HEMK2: variants seen among roughly 807,000 people sequenced by gnomAD.
HEMK2 encodes the protein HemK methyltransferase 2, ETF1 glutamine and histone H4 lysine.
chr21:28,598,765 T>C, the HEMK2 span, among the ~76,000 whole-genome samples: 1 of 151,974 alleles, frequency 6.6e-6, no homozygotes, highest in African/African-American at 2.4e-5. Context: ...AAACAGTGAG[T>C]AGAGGTTGAC....
At chr21:28,593,401 G>T in the HEMK2 span, among the ~76,000 whole-genome samples, 101 of 152,228 alleles carry the variant, frequency 6.6e-4, no homozygotes, top group Middle Eastern at 3.4e-3. Flanking sequence ...ACCTGTATAC[G>T]TGGATTAGTA....
At chr21:28,646,779 G>C in the HEMK2 span, among the ~76,000 whole-genome samples, 7 of 152,176 alleles carry the variant, frequency 4.6e-5, no homozygotes, top group Admixed American at 4.6e-4. Context: ...CATGTATGTG[G>C]CCTCTCCATT....
At chr21:28,723,321 T>C in the HEMK2 span, among the ~76,000 whole-genome samples, 20 of 152,164 alleles carry the variant, frequency 1.3e-4, no homozygotes, top group African/African-American at 4.3e-4. Flanking sequence ...TGGCCTAGAT[T>C]TCATTTTAAA....
the HEMK2 span, among the ~76,000 whole-genome samples, chr21:28,831,466 A>T: frequency 3.6e-5 from 1 of 27,480 alleles, no homozygotes; most frequent in African/African-American, 2.1e-4. Flanking sequence ...AAAGAACGAA[A>T]GAAAGAAAGA....
the HEMK2 span, among the ~76,000 whole-genome samples, chr21:28,850,637 C>G: frequency 6.6e-6 from 1 of 152,140 alleles, no homozygotes; most frequent in Non-Finnish European, 1.5e-5. Flanking sequence ...ACCACCAGAC[C>G]TGCCTTACAA....
chr21:28,856,129 T>C, the HEMK2 span, among the ~76,000 whole-genome samples: 2 of 152,170 alleles, frequency 1.3e-5, no homozygotes, highest in African/African-American at 4.8e-5. Context: ...TACAAGTTAT[T>C]TTGGGCTGGG....
At chr21:28,654,492 GC>G in the HEMK2 span, among the ~76,000 whole-genome samples, 7 of 152,008 alleles carry the variant, frequency 4.6e-5, no homozygotes, top group Admixed American at 4.6e-4. Context: ...GATCCATAAA[GC>G]TATTTTTTCA....
At chr21:28,808,643 C>T in the HEMK2 span, among the ~76,000 whole-genome samples, 1 of 151,752 alleles carries the variant, frequency 6.6e-6, no homozygotes, top group Admixed American at 6.6e-5. Context: ...ATTATAAATG[C>T]AGTTGTTTTT....
the HEMK2 span, among the ~76,000 whole-genome samples, chr21:28,697,226 G>A: frequency 1.5e-4 from 23 of 152,052 alleles, no homozygotes; most frequent in Non-Finnish European, 3.2e-4. Flanking sequence ...AAACTTTTAT[G>A]ATCTGCTTCC....
At chr21:28,585,222 C>A in the HEMK2 span, among the ~76,000 whole-genome samples, 9 of 152,196 alleles carry the variant, frequency 5.9e-5, no homozygotes, top group East Asian at 1.4e-3. Context: ...ATCCCAGCTA[C>A]TCAGGAGGCT....
At chr21:28,815,705 T>C in the HEMK2 span, among the ~76,000 whole-genome samples, 1 of 151,984 alleles carries the variant, frequency 6.6e-6, no homozygotes. Context: ...AAAACAAAAA[T>C]GAAAATTACC....
the HEMK2 span, among the ~76,000 whole-genome samples, chr21:28,759,162 T>G: frequency 1.3e-5 from 2 of 152,154 alleles, no homozygotes; most frequent in Non-Finnish European, 2.9e-5. Context: ...ATCTTAAAAT[T>G]CTTGACAGTT....
At chr21:28,831,518 A>AGAAAGAAAGAAAGAAGGAAG in the HEMK2 span, among the ~76,000 whole-genome samples, 11 of 76,720 alleles carry the variant, frequency 1.4e-4, no homozygotes, top group East Asian at 4.7e-3. Context: ...AAAGAAAGAA[A>AGAAAGAAAGAAAGAAGGAAG]GAAAGAAGGA....
chr21:28,869,099 C>G, the HEMK2 span, among the ~76,000 whole-genome samples: 1 of 151,942 alleles, frequency 6.6e-6, no homozygotes, highest in Non-Finnish European at 1.5e-5. Flanking sequence ...TTTCTACTTT[C>G]AGAATATTTG....
the HEMK2 span, among the ~76,000 whole-genome samples, chr21:28,692,012 A>G: frequency 6.6e-6 from 1 of 152,224 alleles, no homozygotes; most frequent in East Asian, 1.9e-4. Context: ...ACTGGAACAA[A>G]TGTTCTACTC....
At chr21:28,842,638 G>A in the HEMK2 span, among the ~76,000 whole-genome samples, 580 of 152,266 alleles carry the variant, frequency 3.8e-3, 1 homozygote, top group Non-Finnish European at 5.3e-3. Context: ...AACAGAAGCC[G>A]AGTTTTGTTC....
At chr21:28,820,899 C>G in the HEMK2 span, among the ~76,000 whole-genome samples, 1 of 152,306 alleles carries the variant, frequency 6.6e-6, no homozygotes, top group Middle Eastern at 3.4e-3. Flanking sequence ...GTGAAATACA[C>G]AAGTAAAGTG....
At chr21:28,653,342 C>T in the HEMK2 span, among the ~76,000 whole-genome samples, 43 of 152,204 alleles carry the variant, frequency 2.8e-4, no homozygotes, top group South Asian at 8.1e-3. Flanking sequence ...CAAAGCCCTG[C>T]AAGATCTCTC....
At chr21:28,666,055 A>T in the HEMK2 span, among the ~76,000 whole-genome samples, 1,615 of 152,252 alleles carry the variant, frequency 0.011, 25 homozygotes, top group African/African-American at 0.037. Context: ...TTAAAATCAC[A>T]ATTCTAAATT....
Sources: allele counts gnomAD v4.1 joint callset (sites outside exome capture counted in the v4.1 genomes callset), GRCh38; gene constraint gnomAD v4.1.1; transcripts MANE v1.5; gene names NCBI Gene and HGNC (gene_info 2026-07-23, HGNC 2026-07-21).